CEP126: variants seen among roughly 807,000 people sequenced by gnomAD.
The protein encoded by CEP126 is centrosomal protein 126.
Under a neutral mutation model 107.8 loss-of-function variants are expected in CEP126, and 74 were observed. The observed-to-expected ratio is 0.69, with a 90% CI of 0.57 to 0.83. The LOEUF is 0.83. Ranked by LOEUF, CEP126 falls within the 40% of genes least tolerant of loss-of-function variation. The pLI, the probability that CEP126 is intolerant of heterozygous loss-of-function variation, is 0.00. For synonymous variants in CEP126, 449 were observed against 446.0 expected (o/e 1.01, Z -0.08); for missense variants, 1,237 against 1,281.9 (o/e 0.96, Z 0.53).
intron 6 of CEP126, among the ~76,000 whole-genome samples, chr11:101,964,431 C>T (rs1441183189): frequency 2.0e-5 from 3 of 151,658 alleles, no homozygotes; most frequent in African/African-American, 4.9e-5. Flanking sequence ...GTTGGAAGTT[C>T]GAGACCAGCC....
intron 6 of CEP126, among the ~76,000 whole-genome samples, chr11:101,967,056 TC>T (rs1941066148): frequency 7.5e-6 from 1 of 133,238 alleles, no homozygotes; most frequent in African/African-American, 3.0e-5. Flanking sequence ...TGAGATGGGG[TC>T]TCACTTTGTT....
intron 9 of CEP126, among the ~76,000 whole-genome samples, chr11:101,991,126 A>C (rs760223772): frequency 6.6e-6 from 1 of 152,160 alleles, no homozygotes; most frequent in Non-Finnish European, 1.5e-5. Flanking sequence ...GCAATGAGCC[A>C]TGATCATAAC....
intron 2 of CEP126, among the ~76,000 whole-genome samples, chr11:101,940,410 C>G (rs1358946139): frequency 1.3e-5 from 2 of 152,168 alleles, no homozygotes; most frequent in African/African-American, 2.4e-5. Context: ...ACATTTCTCC[C>G]CATCTCTACT....
At chr11:101,975,646 A>G (rs1039689268) in intron 6 of CEP126, among the ~76,000 whole-genome samples, 1 of 152,152 alleles carries the variant, frequency 6.6e-6, no homozygotes, top group African/African-American at 2.4e-5. Flanking sequence ...GGTAAATTGC[A>G]TGTCACTAGG....
intron 10 of CEP126, among the ~76,000 whole-genome samples, chr11:101,996,269 A>G (rs1274399874): frequency 6.6e-6 from 1 of 152,172 alleles, no homozygotes; most frequent in African/African-American, 2.4e-5. Flanking sequence ...GTTCCACTTC[A>G]GCAGCTTGGG....
chr11:101,955,821 C>T (rs1472805214), intron 4 of CEP126: 1 of 454,360 alleles, frequency 2.2e-6, no homozygotes, highest in South Asian at 1.6e-5. Flanking sequence ...GCTGTCTCCA[C>T]ACCTGACCCC....
At chr11:101,992,527 A>G (rs889536753) in intron 9 of CEP126, among the ~76,000 whole-genome samples, 2 of 152,146 alleles carry the variant, frequency 1.3e-5, no homozygotes, top group Non-Finnish European at 2.9e-5. Context: ...GAAGATCGTT[A>G]TATAATAGTC....
At chr11:101,938,359 T>C (rs924890797) in intron 2 of CEP126, among the ~76,000 whole-genome samples, 10 of 151,498 alleles carry the variant, frequency 6.6e-5, no homozygotes, top group African/African-American at 2.2e-4. Context: ...AGTTTATCAG[T>C]TTTCTTAACA....
intron 6 of CEP126, among the ~76,000 whole-genome samples, chr11:101,975,913 C>T (rs1941187082): frequency 6.6e-6 from 1 of 152,178 alleles, no homozygotes; most frequent in South Asian, 2.1e-4. Context: ...CTGCAAAGGA[C>T]ATGATCTTTT....
In CEP126 at chr11:101,921,850, A is replaced by G. The variant is rs182561443; in HGVS notation, c.129-791A>G. On this transcript the variant is annotated intron_variant, in intron 1 of 10. Transcript: ENST00000263468. The stretch of plus-strand genomic sequence containing the variant: ...GCCCAGGCTGGAATGCAGTGGCGCA[A>G]TCTCGGCTCACTGCAACCTCTGCTT... Among the ~76,000 whole-genome samples the G allele has an allele frequency of 3.4e-3, 461 of 136,916 alleles. 4 individuals are homozygous for G. The highest frequency in any genetic ancestry group is 0.012 in the African/African-American group (440 of 35,642). 89.8% of individuals were successfully genotyped at this position (136,916 alleles called of 152,430 possible).
Position 101,963,299 on chromosome 11 carries a change from A to G in CEP126, c.2264A>G (p.Lys755Arg). 1 of 1,613,952 alleles carries G rather than the reference A, an allele frequency of 6.2e-7. No individual in the cohort carries two copies. Among genetic ancestry groups the G allele is most frequent in the Non-Finnish European group, 8.5e-7 (1 of 1,179,986 alleles). Residue 755 changes from lysine to arginine, a missense_variant, in exon 6 of 11, where the codon AAA becomes AGA. Transcript: ENST00000263468. The part of the protein sequence containing the change: ...KQGKPQRGRA[K>R]IIRKPGSAKV... Reference sequence around the variant, plus strand: ...GGTAAGCCACAAAGAGGTAGAGCAAAAATAATTAGAAAACCAGGATCTGCA... The same window carrying G: ...GGTAAGCCACAAAGAGGTAGAGCAAGAATAATTAGAAAACCAGGATCTGCA...
chr11:101,949,914 C>T (rs1443863588), intron 4 of CEP126, among the ~76,000 whole-genome samples: 2 of 152,180 alleles, frequency 1.3e-5, no homozygotes, highest in African/African-American at 2.4e-5. Context: ...ATGTAAGCCA[C>T]TGCTAAAGCA....
rs1940977965 is a variant in CEP126, at chr11:101,961,917, C to G, written c.882C>G (p.Ser294Arg). The G allele has an allele frequency of 1.2e-6, 2 of 1,612,302 alleles. No individual in the cohort carries two copies. Among genetic ancestry groups the G allele is most frequent in the Admixed American group, 3.3e-5 (2 of 59,756 alleles). ...KPANMQSTNL[S>R]CFDEDKLAFS... is the part of the protein sequence containing the mutation. ...CAAATATGCAATCAACTAATCTCAG[C>G]TGCTTTGATGAAGATAAACTGGCAT... The change falls in exon 6 of 11, where the codon AGC becomes AGG. Residue 294 changes from serine to arginine, a missense_variant. Ser to Arg is a moderately radical substitution (Grantham distance 110). Transcript: ENST00000263468.
At chr11:101,977,381 C>A (rs865910557) in intron 6 of CEP126, among the ~76,000 whole-genome samples, 1 of 151,708 alleles carries the variant, frequency 6.6e-6, no homozygotes, top group South Asian at 2.1e-4. Context: ...ACCTGTAATC[C>A]CAGCACTTTG....
intron 6 of CEP126, among the ~76,000 whole-genome samples, chr11:101,975,687 G>T (rs951924476): frequency 1.3e-5 from 2 of 152,152 alleles, no homozygotes; most frequent in African/African-American, 4.8e-5. Flanking sequence ...TGTCTCCCAG[G>T]AAGTAAGCAT....
At chr11:101,950,467 C>A (rs1940795930) in intron 4 of CEP126, among the ~76,000 whole-genome samples, 1 of 152,196 alleles carries the variant, frequency 6.6e-6, no homozygotes, top group African/African-American at 2.4e-5. Context: ...ATGGGTTACA[C>A]ATGTGAATGA....
At chr11:101,945,602 C>A (rs1002503767) in intron 3 of CEP126, among the ~76,000 whole-genome samples, 1 of 152,136 alleles carries the variant, frequency 6.6e-6, no homozygotes, top group African/African-American at 2.4e-5. Context: ...TATAATACGA[C>A]GTCCTGTGGT....
At chr11:101,963,968 C>A in intron 6 of CEP126, 88 bp downstream of exon 6, 1 of 791,906 alleles carries the variant, frequency 1.3e-6, no homozygotes, top group Non-Finnish European at 2.0e-6. Flanking sequence ...TATGGCCATA[C>A]ATACTACATA....
At chr11:101,921,344 T>C (rs1940322548) in intron 1 of CEP126, among the ~76,000 whole-genome samples, 2 of 152,188 alleles carry the variant, frequency 1.3e-5, no homozygotes, top group African/African-American at 2.4e-5. Flanking sequence ...ATTAGTAAAA[T>C]ACAATCTTCT....
Sources: allele counts gnomAD v4.1 joint callset (sites outside exome capture counted in the v4.1 genomes callset), GRCh38; gene constraint gnomAD v4.1.1; transcripts MANE v1.5; gene names NCBI Gene and HGNC (gene_info 2026-07-23, HGNC 2026-07-21).